Variants in GOLM2 observed in about 807,000 individuals in gnomAD.
GOLM2 encodes golgi membrane protein 2, also known as protein GOLM2.
In GOLM2, 26 loss-of-function variants were observed where a neutral mutation model predicts 55.9. That is an observed-to-expected ratio of 0.47 (90% CI 0.34 to 0.65). The LOEUF is 0.65. GOLM2 is among the 30% of genes least tolerant of loss of function. The pLI is 0.01. For synonymous variants in GOLM2, 165 were observed against 194.6 expected, an observed-to-expected ratio of 0.85 and a Z score of 1.27; for missense variants, 486 against 531.8, an observed-to-expected ratio of 0.91 and a Z score of 0.85.
rs1033209637 is a variant in GOLM2 at position 44,288,836 on chromosome 15, T to G, written c.-194T>G. On this transcript the variant is annotated 5_prime_UTR_variant, in exon 1 of 10. It adds an upstream start codon to the 5' untranslated region. Transcript: ENST00000299957. ...CCTCCGGAACGCGTTTTGGCCTGAT[T>G]TGAGGAGGGGGGCGGGGAGGGACCT... 7 of 591,440 alleles carry G rather than the reference T, an allele frequency of 1.2e-5. No individual in the cohort carries two copies. Among genetic ancestry groups the G allele is most frequent in the Non-Finnish European group, 2.1e-5 (7 of 337,618 alleles). The allele number at this position is 591,440 out of a possible 1,614,324, so 36.6% of individuals were successfully genotyped here.
chr15:44,407,411 A>G (rs1288152193), intron 9 of GOLM2, among the ~76,000 whole-genome samples: 1 of 151,380 alleles, frequency 6.6e-6, no homozygotes, highest in Non-Finnish European at 1.5e-5. Flanking sequence ...GACTACAGGC[A>G]TGCACCACCA....
intron 6 of GOLM2, chr15:44,345,770 C>T (rs920621399): frequency 2.6e-5 from 4 of 151,908 alleles, no homozygotes; most frequent in African/African-American, 9.7e-5. Context: ...TATTTAAGTA[C>T]CTGAGCAATT....
At chr15:44,389,083 C>T (rs1215602688) in intron 8 of GOLM2, among the ~76,000 whole-genome samples, 2 of 152,132 alleles carry the variant, frequency 1.3e-5, no homozygotes, top group African/African-American at 2.4e-5. Flanking sequence ...TCCCAAAATG[C>T]TGAGATTACA....
chr15:44,345,484 T>A (rs1027465664), intron 6 of GOLM2, among the ~76,000 whole-genome samples: 3 of 152,118 alleles, frequency 2.0e-5, no homozygotes, highest in Non-Finnish European at 4.4e-5. Flanking sequence ...GGTCTCGAAC[T>A]CCTGAGCTCA....
At chr15:44,391,976 G>T (rs1176886286) in intron 8 of GOLM2, among the ~76,000 whole-genome samples, 2 of 151,944 alleles carry the variant, frequency 1.3e-5, no homozygotes, top group African/African-American at 4.8e-5. Context: ...TCAGCCTCCC[G>T]AGTAGCTGGG....
chr15:44,290,888 GC>G (rs909705611), intron 1 of GOLM2, among the ~76,000 whole-genome samples: 5 of 151,682 alleles, frequency 3.3e-5, no homozygotes, highest in African/African-American at 7.3e-5. Context: ...TGCAACCTCC[GC>G]CCCCCCGGGG....
chr15:44,375,581 C>A (rs1159643006), intron 6 of GOLM2, among the ~76,000 whole-genome samples: 1 of 151,688 alleles, frequency 6.6e-6, no homozygotes, highest in Non-Finnish European at 1.5e-5. Flanking sequence ...GTTCCAAGAC[C>A]AGTCTGGACA....
intron 6 of GOLM2, among the ~76,000 whole-genome samples, chr15:44,351,358 C>G (rs550279727): frequency 4.6e-5 from 7 of 151,932 alleles, no homozygotes; most frequent in Admixed American, 3.9e-4. Flanking sequence ...GGGTGGATCA[C>G]GAGGTCAGGA....
At chr15:44,375,057 G>T (rs1782816609) in intron 6 of GOLM2, among the ~76,000 whole-genome samples, 1 of 151,942 alleles carries the variant, frequency 6.6e-6, no homozygotes. Context: ...TCCCTCCATT[G>T]CCCAGGCTAG....
At chr15:44,320,881 T>G (rs1361822029) in intron 1 of GOLM2, among the ~76,000 whole-genome samples, 1 of 152,248 alleles carries the variant, frequency 6.6e-6, no homozygotes, top group Non-Finnish European at 1.5e-5. Flanking sequence ...TGGTGGAGTC[T>G]TGAGGTATAC....
intron 6 of GOLM2, among the ~76,000 whole-genome samples, chr15:44,342,372 C>G (rs949470905): frequency 6.6e-6 from 1 of 151,954 alleles, no homozygotes; most frequent in African/African-American, 2.4e-5. Context: ...TCAAGTGGTA[C>G]TCCCACATCG....
At chr15:44,397,805 C>G (rs2079537657) in intron 8 of GOLM2, among the ~76,000 whole-genome samples, 1 of 152,016 alleles carries the variant, frequency 6.6e-6, no homozygotes, top group South Asian at 2.1e-4. Context: ...ACTGTAGTTC[C>G]AAATTCAGTT....
chr15:44,388,544 T>C (rs532166863), intron 8 of GOLM2, among the ~76,000 whole-genome samples: 30 of 151,958 alleles, frequency 2.0e-4, no homozygotes, highest in Non-Finnish European at 4.3e-4. Flanking sequence ...CATGGAGGCG[T>C]GCTCCTGTAG....
intron 1 of GOLM2, among the ~76,000 whole-genome samples, chr15:44,298,503 T>C (rs2141107827): frequency 6.7e-6 from 1 of 150,050 alleles, no homozygotes; most frequent in South Asian, 2.1e-4. Flanking sequence ...CTCGAACTCC[T>C]AACCTCAGGT....
At chr15:44,380,670 A>G (rs1216783770) in intron 7 of GOLM2, 136 bp from the exon 8 acceptor site, 1 of 563,288 alleles carries the variant, frequency 1.8e-6, no homozygotes, top group African/African-American at 2.0e-5. Context: ...ACCTTTAAAA[A>G]AAAAAAAAAA....
chr15:44,355,370 A>T (rs1211959722), intron 6 of GOLM2: 1 of 167,314 alleles, frequency 6.0e-6, no homozygotes, highest in Non-Finnish European at 1.3e-5. Flanking sequence ...TGGGGAGATC[A>T]CTGGCATGGC....
At chr15:44,329,503 A>G (rs567130120) in intron 3 of GOLM2, among the ~76,000 whole-genome samples, 1 of 152,188 alleles carries the variant, frequency 6.6e-6, no homozygotes, top group South Asian at 2.1e-4. Context: ...GATTTAACGT[A>G]TGTACAGGTA....
At chr15:44,299,168 G>A (rs1458962342) in intron 1 of GOLM2, among the ~76,000 whole-genome samples, 1 of 152,132 alleles carries the variant, frequency 6.6e-6, no homozygotes, top group Admixed American at 6.6e-5. Context: ...CCATCCTCTA[G>A]CACTGTGAGA....
chr15:44,402,169 T>C (rs545316268), intron 8 of GOLM2, among the ~76,000 whole-genome samples: 1 of 151,302 alleles, frequency 6.6e-6, no homozygotes, highest in South Asian at 2.1e-4. Flanking sequence ...GTGTATAATA[T>C]ACTGGCCTGT....
Sources: allele counts gnomAD v4.1 joint callset (sites outside exome capture counted in the v4.1 genomes callset), GRCh38; gene constraint gnomAD v4.1.1; transcripts MANE v1.5; gene names NCBI Gene and HGNC (gene_info 2026-07-23, HGNC 2026-07-21).